Variants in MYH14 observed in about 807,000 individuals in gnomAD.
MYH14 encodes the protein myosin-14.
In MYH14, 123 loss-of-function variants were observed where a neutral mutation model predicts 255.5. That is an observed-to-expected ratio of 0.48 (90% CI 0.42 to 0.56). MYH14 has a LOEUF of 0.56. Ranked by LOEUF, MYH14 falls within the 20% of genes least tolerant of loss-of-function variation. MYH14 has a pLI of 0.00. For synonymous variants in MYH14, 1,095 were observed against 1,161.2 expected, an observed-to-expected ratio of 0.94 and a Z score of 1.16; for missense variants, 2,423 against 2,802.3, an observed-to-expected ratio of 0.86 and a Z score of 3.06.
rs761541037 is a variant in MYH14 at position 50,271,899 on chromosome 19, TGAG to T, written c.3232_3234del (p.Glu1078del). ...TGGCCGAGTTCTCATCCCAGGCAGC[TGAG>T]GAGGAGGAGAAGGTCAAGAGCCTCA... is the stretch of plus-strand genomic sequence containing the variant. On this transcript the variant is annotated inframe_deletion, in exon 26 of 43. Coordinates refer to ENST00000642316, the MANE Select transcript of MYH14 (RefSeq NM_001145809.2). The T allele has an allele frequency of 2.5e-6, 4 of 1,613,034 alleles. No individual in the cohort carries two copies. The highest frequency in any genetic ancestry group is 1.1e-5 in the South Asian group (1 of 90,826).
At chr19:50,263,542 G>A in intron 22 of MYH14, 122 bp downstream of exon 22, 1 of 570,366 alleles carries the variant, frequency 1.8e-6, no homozygotes, top group South Asian at 3.8e-5. Context: ...AATGGGGCCA[G>A]TCGGCCCAGG....
chr19:50,275,901 A>T, intron 27 of MYH14, 90 bp from the exon 28 acceptor site: 1 of 1,061,118 alleles, frequency 9.4e-7, no homozygotes. Flanking sequence ...GGCCACTCCC[A>T]AAGCCCACAT....
chr19:50,275,034 A>G (rs182454487), intron 27 of MYH14, among the ~76,000 whole-genome samples: 2 of 152,212 alleles, frequency 1.3e-5, no homozygotes, highest in African/African-American at 4.8e-5. Context: ...TGCCTATTCT[A>G]GATATTTCAT....
intron 3 of MYH14, among the ~76,000 whole-genome samples, chr19:50,219,011 TA>T (rs60408157): frequency 0.49 from 71,835 of 145,458 alleles, 20,454 homozygotes; most frequent in Non-Finnish European, 0.63. Context: ...TGTATATATA[TA>T]TTTTTTATAT....
At chr19:50,213,600 A>C (rs1232383958) in intron 2 of MYH14, among the ~76,000 whole-genome samples, 3 of 152,152 alleles carry the variant, frequency 2.0e-5, no homozygotes, top group Non-Finnish European at 4.4e-5. Flanking sequence ...GGCCTTAATA[A>C]AGATCATTAG....
In MYH14 at chr19:50,250,418, T is replaced by C; in HGVS notation, c.1657-97T>C. 1 of 1,306,404 alleles carries C rather than the reference T, an allele frequency of 7.7e-7. No homozygotes were observed. The highest frequency in any genetic ancestry group is 1.1e-6 in the Non-Finnish European group (1 of 930,248). 80.9% of individuals were successfully genotyped at this position (1,306,404 alleles called of 1,614,324 possible). A position where few individuals can be genotyped will look rare whatever the true frequency, so the allele number is the denominator to read the frequency against. On this transcript the variant is annotated intron_variant, in intron 14 of 42. Transcript: ENST00000642316. This position sits in a 1 kb window ranked among gnomAD's most constrained non-coding sequence, Gnocchi z 5.4. ...GCCTGGCATCTCACGTTTGTTTTTA[T>C]GTCCAAGTGTGACTTATAAGAGCTA...
intron 8 of MYH14, among the ~76,000 whole-genome samples, chr19:50,227,275 A>G (rs1185767921): frequency 6.6e-6 from 1 of 152,108 alleles, no homozygotes. Flanking sequence ...GTATAAGCAA[A>G]GGGAAAAGGC....
chr19:50,309,688 A>G lies in MYH14; in HGVS notation c.6009A>G (p.Arg2003=). ...FTTRTVRQVF[R]LEEGVASDEE... Reference sequence around the variant, plus strand: ...CCCGCACGGTGCGCCAGGTCTTCCGACTAGAGGAGGGCGTGGCATCCGACG... The same window carrying G: ...CCCGCACGGTGCGCCAGGTCTTCCGGCTAGAGGAGGGCGTGGCATCCGACG... The change falls in exon 43 of 43, where the codon CGA becomes CGG. Residue 2003 remains arginine, a synonymous_variant. Transcript: ENST00000642316. 6.2e-7 allele frequency: 1 copy of G among 1,607,772 alleles called. No individual in the cohort carries two copies. Among genetic ancestry groups the G allele is most frequent in the South Asian group, 1.1e-5 (1 of 89,922 alleles).
chr19:50,235,812 C>G (rs577024877), intron 10 of MYH14, among the ~76,000 whole-genome samples: 91 of 152,114 alleles, frequency 6.0e-4, no homozygotes, highest in South Asian at 5.4e-3. Context: ...AAACAAATTA[C>G]TCAGCTCATC....
At position 50,245,463 on chromosome 19, in the gene MYH14, GAAAGAA is replaced by G. The variant is rs1485738070; in HGVS notation, c.1210+1140_1210+1145del. ...AGAAAGAAAGAAAAAGAAGAAGAAA[GAAAGAA>G]AAAGAAAAAGAAAGACAATTACCCA... On this transcript the variant is annotated intron_variant, in intron 11 of 42. Transcript: ENST00000642316. Among the ~76,000 whole-genome samples, 6 of 144,004 alleles carry G rather than the reference GAAAGAA, an allele frequency of 4.2e-5. No individual in the cohort carries two copies. In the Admixed American group the frequency reaches 4.2e-4, roughly 10 times the overall value. 94.5% of individuals were successfully genotyped at this position (144,004 alleles called of 152,430 possible).
chr19:50,233,370 A>G (rs1052248827), intron 10 of MYH14, among the ~76,000 whole-genome samples: 2 of 152,002 alleles, frequency 1.3e-5, no homozygotes, highest in African/African-American at 4.8e-5. Flanking sequence ...GGGTTTCACC[A>G]TGTTGGCCAG....
intron 8 of MYH14, among the ~76,000 whole-genome samples, chr19:50,229,840 A>G (rs1350406612): frequency 6.6e-6 from 1 of 152,064 alleles, no homozygotes; most frequent in Non-Finnish European, 1.5e-5. Context: ...GTAACTTTGA[A>G]CCAGGCATTG....
intron 2 of MYH14, among the ~76,000 whole-genome samples, chr19:50,211,956 C>T (rs921263557): frequency 1.3e-5 from 2 of 152,110 alleles, no homozygotes; most frequent in Admixed American, 1.3e-4. Context: ...CTACTGTACT[C>T]CAGCCTGGGT....
At chr19:50,248,884 A>G in intron 12 of MYH14, 103 bp from the exon 13 acceptor site, 2 of 1,249,410 alleles carry the variant, frequency 1.6e-6, no homozygotes, top group Middle Eastern at 5.4e-4. Context: ...CTGGGAGGCG[A>G]CCTTAAGGGG....
chr19:50,277,129 C>G (rs918150421), intron 29 of MYH14, among the ~76,000 whole-genome samples: 2 of 152,188 alleles, frequency 1.3e-5, no homozygotes, highest in Non-Finnish European at 2.9e-5. Context: ...GCACTGCCTT[C>G]CCTTGTGGAG....
intron 19 of MYH14, 80 bp from the exon 20 acceptor site, chr19:50,260,566 C>A: frequency 1.1e-6 from 1 of 928,340 alleles, no homozygotes; most frequent in Non-Finnish European, 1.7e-6. Flanking sequence ...TCACTCTGAG[C>A]CCAGTGCCTG....
chr19:50,216,350 C>A (rs979984396), intron 2 of MYH14, among the ~76,000 whole-genome samples: 3 of 152,138 alleles, frequency 2.0e-5, no homozygotes, highest in Admixed American at 2.0e-4. Context: ...AGCCTGTAAT[C>A]CCGGCACTTT....
chr19:50,278,385 G>T (rs1317054689), intron 30 of MYH14, 96 bp downstream of exon 30: 4 of 888,144 alleles, frequency 4.5e-6, no homozygotes, highest in Non-Finnish European at 6.5e-6. Flanking sequence ...CAAACCAATT[G>T]TCTCGTTTGG....
chr19:50,263,460 A>ATAGG, intron 22 of MYH14, 40 bp downstream of exon 22: 1 of 1,461,250 alleles, frequency 6.8e-7, no homozygotes, highest in South Asian at 1.2e-5. Flanking sequence ...TAGGGAGAGG[A>ATAGG]TAGGGCCTTG....
Sources: gnomAD v4.1 joint callset for allele counts (sites outside exome capture counted in the v4.1 genomes callset) on GRCh38, gnomAD v4.1.1 for gene constraint, Gnocchi (gnomAD v3.1) non-coding constraint, MANE v1.5 for transcripts, NCBI Gene and HGNC (gene_info 2026-07-23, HGNC 2026-07-21) for gene names.